Variants in AMOTL1 observed in about 807,000 individuals in gnomAD.
The protein encoded by AMOTL1 is angiomotin like 1, also known as angiomotin-like protein 1.
In AMOTL1, 45 loss-of-function variants were observed where a neutral mutation model predicts 102.9. The ratio of observed to expected loss-of-function variants is 0.44; its 90% CI spans 0.34 to 0.56. The LOEUF (loss-of-function observed/expected upper bound fraction) is 0.56. Among genes scored for constraint, AMOTL1 ranks in the 20% least tolerant of loss-of-function variants. The probability of loss-of-function intolerance (pLI) is 0.01; values close to 1 mark genes in which losing one functional copy is unlikely to be tolerated. For synonymous variants in AMOTL1, 481 were observed against 484.7 expected, an observed-to-expected ratio of 0.99 and a Z score of 0.10; for missense variants, 1,114 against 1,225.6, an observed-to-expected ratio of 0.91 and a Z score of 1.36.
At chr11:94,808,404 T>C (rs1168452004) in intron 3 of AMOTL1, among the ~76,000 whole-genome samples, 1 of 152,262 alleles carries the variant, frequency 6.6e-6, no homozygotes, top group Non-Finnish European at 1.5e-5. Flanking sequence ...TCTTTATGAA[T>C]TACTTCACTA....
chr11:94,866,436 A>ATAAC, intron 11 of AMOTL1: 1 of 465,386 alleles, frequency 2.1e-6, no homozygotes, highest in African/African-American at 2.0e-5. Context: ...GGTGACCCTT[A>ATAAC]TAACACAAAA....
chr11:94,870,735 C>A lies in AMOTL1; in HGVS notation c.2811C>A (p.Val937=), dbSNP rs370069240. The change falls in exon 13 of 13, where the codon GTC becomes GTA. Residue 937 remains valine (V), a synonymous_variant. Coordinates refer to ENST00000433060, the MANE Select transcript of AMOTL1 (RefSeq NM_130847.3). ...AGTCGCCTGACCACAGAGGCCGGGT[C>A]AGCAGCTTGCTGCACAAGCCCGAGT... is the stretch of plus-strand genomic sequence containing the variant. ...HGKSPDHRGR[V]SSLLHKPEFP... is the part of the protein sequence containing the mutation. 6.2e-7 allele frequency: 1 copy of A among 1,604,536 alleles called. No homozygotes were observed. The highest frequency in any genetic ancestry group is 8.5e-7 in the Non-Finnish European group (1 of 1,174,876).
chr11:94,783,766 T>A (rs1243391783), intron 1 of AMOTL1, among the ~76,000 whole-genome samples: 1 of 152,198 alleles, frequency 6.6e-6, no homozygotes, highest in Non-Finnish European at 1.5e-5. Flanking sequence ...CAGATTTGGG[T>A]CTTATATCTA....
chr11:94,848,518 A>G (rs1002794704), intron 6 of AMOTL1, among the ~76,000 whole-genome samples: 9 of 152,164 alleles, frequency 5.9e-5, no homozygotes, highest in Admixed American at 5.9e-4. Context: ...CTCTGATCCC[A>G]TCGACATAAT....
chr11:94,707,999 T>C (rs928469819), intron 1 of AMOTL1, among the ~76,000 whole-genome samples: 6 of 152,172 alleles, frequency 3.9e-5, no homozygotes, highest in Non-Finnish European at 8.8e-5. Context: ...CTAAAATAAT[T>C]GATCAGCACC....
intron 1 of AMOTL1, among the ~76,000 whole-genome samples, chr11:94,789,239 A>G (rs1257113958): frequency 6.6e-6 from 1 of 152,108 alleles, no homozygotes; most frequent in Non-Finnish European, 1.5e-5. Flanking sequence ...GCTCACTGCA[A>G]CCTTTGCCTC....
chr11:94,803,170 G>A (rs1951508477), intron 3 of AMOTL1, among the ~76,000 whole-genome samples: 1 of 152,208 alleles, frequency 6.6e-6, no homozygotes, highest in Non-Finnish European at 1.5e-5. Context: ...CCTAGAGGTA[G>A]AAAGCTCCAA....
intron 1 of AMOTL1, among the ~76,000 whole-genome samples, chr11:94,715,375 T>C (rs1189443559): frequency 6.6e-6 from 1 of 152,166 alleles, no homozygotes; most frequent in Non-Finnish European, 1.5e-5. Flanking sequence ...CTTGCTATAT[T>C]GCCCAGGCTA....
chr11:94,779,408 A>G (rs562009864), intron 1 of AMOTL1, among the ~76,000 whole-genome samples: 1 of 152,308 alleles, frequency 6.6e-6, no homozygotes, highest in Admixed American at 6.5e-5. Flanking sequence ...GGAGAGGCAT[A>G]TAGATAATAC....
intron 3 of AMOTL1, among the ~76,000 whole-genome samples, chr11:94,749,241 C>T (rs111342906): frequency 6.6e-6 from 1 of 152,318 alleles, no homozygotes; most frequent in African/African-American, 2.4e-5. Context: ...ACCACTGGTG[C>T]GAGTACTGGA....
At chr11:94,827,877 G>A (rs1249333679) in intron 4 of AMOTL1, among the ~76,000 whole-genome samples, 2 of 152,200 alleles carry the variant, frequency 1.3e-5, no homozygotes, top group Non-Finnish European at 1.5e-5. Context: ...AGGCTCCTAC[G>A]GCTCCACTGG....
At chr11:94,733,185 T>C (rs1950382092) in intron 2 of AMOTL1, among the ~76,000 whole-genome samples, 1 of 152,246 alleles carries the variant, frequency 6.6e-6, no homozygotes, top group African/African-American at 2.4e-5. Flanking sequence ...TTCTATCCAT[T>C]TTACTCCTGT....
chr11:94,816,670 G>A (rs1023231985), intron 3 of AMOTL1, among the ~76,000 whole-genome samples: 1 of 151,844 alleles, frequency 6.6e-6, no homozygotes, highest in Non-Finnish European at 1.5e-5. Flanking sequence ...TGCTTTTAAA[G>A]TCCTTGTGTC....
chr11:94,824,854 T>C (rs1034281898), intron 4 of AMOTL1, among the ~76,000 whole-genome samples: 1 of 152,186 alleles, frequency 6.6e-6, no homozygotes, highest in Non-Finnish European at 1.5e-5. Context: ...CAGAGATGCA[T>C]TGTAAGGGCA....
At chr11:94,766,105 TCAATGAGA>T (rs1950852239), upstream of AMOTL1, among the ~76,000 whole-genome samples, 1 of 152,056 alleles carries the variant, frequency 6.6e-6, no homozygotes, top group South Asian at 2.1e-4. Flanking sequence ...AAACAACGAG[TCAATGAGA>T]AGAATAAAAT....
At chr11:94,790,635 C>A (rs900539129) in intron 1 of AMOTL1, among the ~76,000 whole-genome samples, 1 of 152,098 alleles carries the variant, frequency 6.6e-6, no homozygotes, top group Non-Finnish European at 1.5e-5. Context: ...TAGAGACAGC[C>A]TTGAAAACCA....
In AMOTL1 at chr11:94,746,804, T is replaced by G. The variant is rs560269747; in HGVS notation, c.136+5816T>G. Among the ~76,000 whole-genome samples, 48 of 152,314 alleles carry G rather than the reference T, an allele frequency of 3.2e-4. No homozygotes were observed. The South Asian group carries it at 9.1e-3, about 29-fold the overall frequency. On this transcript the variant is annotated intron_variant, in intron 3 of 4. Transcript: ENST00000299004. The stretch of plus-strand genomic sequence containing the variant: ...TTGGGTTTAATCACATCTCAAGTGA[T>G]TTCAATGTGCAGCTAAGATTGTGAA...
intron 8 of AMOTL1, among the ~76,000 whole-genome samples, chr11:94,855,639 T>C (rs567065119): frequency 2.0e-5 from 3 of 152,330 alleles, no homozygotes; most frequent in Admixed American, 2.0e-4. Flanking sequence ...AAAGTTAGAT[T>C]ACTTCTCCTT....
chr11:94,785,803 G>A (rs1951178395), intron 1 of AMOTL1, among the ~76,000 whole-genome samples: 1 of 152,190 alleles, frequency 6.6e-6, no homozygotes, highest in Non-Finnish European at 1.5e-5. Context: ...GCTTTGCAGA[G>A]CATAATTATA....
Sources: allele counts gnomAD v4.1 joint callset (sites outside exome capture counted in the v4.1 genomes callset), GRCh38; gene constraint gnomAD v4.1.1; transcripts MANE v1.5; gene names NCBI Gene and HGNC (gene_info 2026-07-23, HGNC 2026-07-21).